Variants in KCNQ5 observed in about 807,000 individuals in gnomAD.
KCNQ5 encodes potassium voltage-gated channel subfamily KQT member 5.
KCNQ5 carries 30 observed loss-of-function variants against 98.2 expected under a neutral mutation model. That is an observed-to-expected ratio of 0.31 (90% CI 0.23 to 0.41). The LOEUF is 0.41. KCNQ5 is among the 10% of genes least tolerant of loss of function. The probability of loss-of-function intolerance (pLI) is 1.00; values close to 1 mark genes in which losing one functional copy is unlikely to be tolerated. For synonymous variants in KCNQ5, 458 were observed against 449.4 expected (o/e 1.02, Z -0.24); for missense variants, 835 against 1,182.5 (o/e 0.71, Z 4.31).
At chr6:73,122,680 C>G (rs1295195872) in intron 8 of KCNQ5, among the ~76,000 whole-genome samples, 1 of 152,182 alleles carries the variant, frequency 6.6e-6, no homozygotes, top group African/African-American at 2.4e-5. Flanking sequence ...CTTCAAAATG[C>G]AGAGGTTCTT....
At chr6:72,772,519 T>C (rs562603399) in intron 1 of KCNQ5, among the ~76,000 whole-genome samples, 3 of 152,262 alleles carry the variant, frequency 2.0e-5, no homozygotes, top group South Asian at 2.1e-4. Context: ...TAAAAACAGG[T>C]ATTTTGACAA....
intron 3 of KCNQ5, among the ~76,000 whole-genome samples, chr6:73,057,120 C>T (rs532664516): frequency 4.0e-4 from 61 of 152,140 alleles, no homozygotes; most frequent in African/African-American, 1.4e-3. Context: ...AAATGTGGCA[C>T]GTATACACCA....
chr6:73,019,444 A>C (rs1216521797), intron 2 of KCNQ5, among the ~76,000 whole-genome samples: 1 of 152,190 alleles, frequency 6.6e-6, no homozygotes, highest in Non-Finnish European at 1.5e-5. Context: ...TCAAAAGCAC[A>C]CTATATTCTG....
chr6:73,038,698 G>C lies in KCNQ5; in HGVS notation c.490-3238G>C, dbSNP rs559797400. Among the ~76,000 whole-genome samples, 33 of 151,964 alleles carry C rather than the reference G, an allele frequency of 2.2e-4. No homozygotes were observed. The South Asian group carries it at 6.9e-3, about 32-fold the overall frequency. Reference sequence around the variant, plus strand: ...CCATTGAGCTAGCCTTGCATACCTGGAATAAATCCTACTTGCCTATATATT... The same window carrying C: ...CCATTGAGCTAGCCTTGCATACCTGCAATAAATCCTACTTGCCTATATATT... On this transcript the variant is annotated intron_variant, in intron 2 of 13. Coordinates refer to ENST00000370398, the MANE Select transcript of KCNQ5 (RefSeq NM_019842.4).
At chr6:73,132,183 G>A (rs552226622) in intron 9 of KCNQ5, among the ~76,000 whole-genome samples, 2 of 152,224 alleles carry the variant, frequency 1.3e-5, no homozygotes, top group Admixed American at 1.3e-4. Context: ...ACAAAACAAG[G>A]CCTCCACTTC....
chr6:72,862,701 C>T (rs1266369873), intron 1 of KCNQ5, among the ~76,000 whole-genome samples: 2 of 152,052 alleles, frequency 1.3e-5, no homozygotes, highest in Non-Finnish European at 2.9e-5. Flanking sequence ...AATATTGGCT[C>T]ATTGCAGCCT....
At chr6:72,706,586 G>A (rs1769095737) in intron 1 of KCNQ5, among the ~76,000 whole-genome samples, 1 of 151,872 alleles carries the variant, frequency 6.6e-6, no homozygotes, top group Admixed American at 6.6e-5. Context: ...TCTCGATATT[G>A]GCTTAAGTGA....
chr6:72,668,559 C>G (rs1766941484), intron 1 of KCNQ5, among the ~76,000 whole-genome samples: 1 of 151,914 alleles, frequency 6.6e-6, no homozygotes, highest in South Asian at 2.1e-4. Flanking sequence ...CAGGTGTAAC[C>G]AGAACTTGGT....
At chr6:72,812,056 A>G (rs1020652791) in intron 1 of KCNQ5, among the ~76,000 whole-genome samples, 2 of 152,182 alleles carry the variant, frequency 1.3e-5, no homozygotes, top group East Asian at 3.9e-4. Flanking sequence ...GTAAACGGTC[A>G]TGGGGCTGGA....
chr6:73,111,139 T>C (rs1317161157), intron 6 of KCNQ5, among the ~76,000 whole-genome samples, 169 bp from the exon 7 acceptor site: 5 of 152,258 alleles, frequency 3.3e-5, no homozygotes, highest in Admixed American at 3.3e-4. Flanking sequence ...CCATTGGCTA[T>C]TGGTATTATA....
intron 1 of KCNQ5, among the ~76,000 whole-genome samples, chr6:72,937,277 C>T (rs1765984000): frequency 6.6e-6 from 1 of 152,126 alleles, no homozygotes; most frequent in South Asian, 2.1e-4. Context: ...TCTGTAAGTC[C>T]TGGACAAATT....
intron 1 of KCNQ5, among the ~76,000 whole-genome samples, chr6:72,725,252 A>G (rs1344510138): frequency 1.3e-5 from 2 of 152,154 alleles, no homozygotes; most frequent in African/African-American, 2.4e-5. Context: ...CTATTAATAT[A>G]TATATTCCCC....
intron 1 of KCNQ5, among the ~76,000 whole-genome samples, chr6:72,980,268 G>T (rs750335174): frequency 6.6e-6 from 1 of 151,978 alleles, no homozygotes; most frequent in Non-Finnish European, 1.5e-5. Flanking sequence ...TACCTTGGGC[G>T]GTATGGCCAT....
intron 9 of KCNQ5, chr6:73,129,990 C>T: frequency 4.6e-6 from 3 of 655,126 alleles, no homozygotes; most frequent in Non-Finnish European, 5.3e-6. Flanking sequence ...AGGTTTTCAA[C>T]CCGCTTGAAA....
Position 72,622,648 on chromosome 6 carries a change from G to A in KCNQ5, c.398+61G>A. 1 of 1,579,216 alleles carries A rather than the reference G, an allele frequency of 6.3e-7. No individual in the cohort carries two copies. Among genetic ancestry groups the A allele is most frequent in the Non-Finnish European group, 8.6e-7 (1 of 1,161,892 alleles). On this transcript the variant is annotated intron_variant, in intron 1 of 13. Coordinates refer to ENST00000370398, the MANE Select transcript of KCNQ5 (RefSeq NM_019842.4). This position sits in a 1 kb window ranked among gnomAD's most constrained non-coding sequence, Gnocchi z 6.0. The stretch of plus-strand genomic sequence containing the variant: ...GGGACCACTGTCCCTGGCCCCCTGG[G>A]GCGTGCTCCGCGCTCGCGCCCTTGG...
At chr6:72,987,070 G>A in intron 1 of KCNQ5, 1 of 703,666 alleles carries the variant, frequency 1.4e-6, no homozygotes, top group South Asian at 1.7e-5. Flanking sequence ...AGCAGCCCTA[G>A]GAAAGGAAGT....
chr6:72,648,510 A>G lies in KCNQ5; in HGVS notation c.398+25923A>G, dbSNP rs117559448. On this transcript the variant is annotated intron_variant, in intron 1 of 13. Transcript: ENST00000370398. ...GGTGCAAAAACATTTTTATAGTGTG[A>G]GACGAACTATGCAATATTTTAAAAC... Among the ~76,000 whole-genome samples the G allele has an allele frequency of 5.8e-3, 882 of 152,230 alleles. 9 individuals are homozygous for G. Among genetic ancestry groups the G allele is most frequent in the Admixed American group, 0.035 (528 of 15,272 alleles).
At chr6:72,683,221 C>G (rs1253718994) in intron 1 of KCNQ5, among the ~76,000 whole-genome samples, 11 of 152,158 alleles carry the variant, frequency 7.2e-5, no homozygotes, top group Admixed American at 7.2e-4. Flanking sequence ...CCTTTGCTGT[C>G]AGACTTTCTG....
At chr6:72,962,321 A>T (rs1051457370) in intron 1 of KCNQ5, among the ~76,000 whole-genome samples, 1 of 150,102 alleles carries the variant, frequency 6.7e-6, no homozygotes, top group African/African-American at 2.5e-5. Context: ...ATACAGAGTG[A>T]TAAAATAGAC....
Sources: gnomAD v4.1 joint callset for allele counts (sites outside exome capture counted in the v4.1 genomes callset) on GRCh38, gnomAD v4.1.1 for gene constraint, Gnocchi (gnomAD v3.1) non-coding constraint, MANE v1.5 for transcripts, NCBI Gene and HGNC (gene_info 2026-07-23, HGNC 2026-07-21) for gene names.